Variants in DYNC2I2 observed in about 807,000 individuals in gnomAD.
The protein encoded by DYNC2I2 is cytoplasmic dynein 2 intermediate chain 2.
Under a neutral mutation model 52.0 loss-of-function variants are expected in DYNC2I2, and 39 were observed. That is an observed-to-expected ratio of 0.75 (90% CI 0.58 to 0.98). DYNC2I2 has a LOEUF of 0.98. Among genes scored for constraint, DYNC2I2 ranks in the 50% least tolerant of loss-of-function variants. The pLI, the probability that DYNC2I2 is intolerant of heterozygous loss-of-function variation, is 0.00. For missense variants in DYNC2I2, 743 were observed against 728.4 expected, an observed-to-expected ratio of 1.02 and a Z score of -0.23; for synonymous variants, 359 against 321.1, an observed-to-expected ratio of 1.12 and a Z score of -1.26.
At chr9:128,668,754 A>T in the DYNC2I2 span, among the ~76,000 whole-genome samples, 1 of 151,546 alleles carries the variant, frequency 6.6e-6, no homozygotes, top group Non-Finnish European at 1.5e-5. Flanking sequence ...CAGGAGGTAG[A>T]AGTTGCAGTG....
chr9:128,650,961 C>T lies in DYNC2I2; in HGVS notation c.186+5580G>A, dbSNP rs893838509. On this transcript the variant is annotated intron_variant, in intron 1 of 8. Transcript: ENST00000372715. ...CCAGGCTAGGAGCACAACCGGCACC[C>T]AGAATCTGTCGCCGCTGCTTGAACA... 3.4e-5 allele frequency: 2 copies of T among 58,498 alleles called. 1 individual carries two copies. The highest frequency in any genetic ancestry group is 6.8e-5 in the African/African-American group (2 of 29,470). The allele number at this position is 58,498 out of a possible 1,614,324, so 3.6% of individuals were successfully genotyped here.
the DYNC2I2 span, among the ~76,000 whole-genome samples, chr9:128,665,695 G>A: frequency 2.7e-5 from 4 of 150,364 alleles, no homozygotes; most frequent in Admixed American, 6.7e-5. Context: ...GCTTGAACTC[G>A]GGAGGCAGAG....
At chr9:128,635,302 C>T (rs778971009) in intron 5 of DYNC2I2, 43 bp from the exon 6 acceptor site, 8 of 1,598,772 alleles carry the variant, frequency 5.0e-6, no homozygotes, top group South Asian at 1.1e-5. Flanking sequence ...ACAAGGGACA[C>T]CTGCCCAGGT....
the DYNC2I2 span, among the ~76,000 whole-genome samples, chr9:128,680,775 A>G: frequency 6.6e-6 from 1 of 150,406 alleles, no homozygotes; most frequent in Non-Finnish European, 1.5e-5. Context: ...TCTGGGTTCA[A>G]GTAATTCTCC....
Position 128,634,684 on chromosome 9 carries a change from C to T in DYNC2I2, c.1214+5G>A, listed in dbSNP as rs746024280. The T allele has an allele frequency of 6.1e-5, 94 of 1,544,790 alleles. No homozygotes were observed. The highest frequency in any genetic ancestry group is 5.0e-4 in the South Asian group (41 of 81,796). ...CCCACTGTGCCCCAGGCCTGCCCTA[C>T]GTACCTGTGGAAGGGGGAACAGCTC... On this transcript the variant is annotated splice_donor_5th_base_variant and intron_variant, in intron 7 of 8. Transcript: ENST00000372715.
chr9:128,680,165 A>AT, the DYNC2I2 span, among the ~76,000 whole-genome samples: 1 of 151,300 alleles, frequency 6.6e-6, no homozygotes, highest in Non-Finnish European at 1.5e-5. Context: ...GGTTCAAGCG[A>AT]TTTTTGTGCC....
At chr9:128,655,806 G>A (rs1367219286) in intron 1 of DYNC2I2, among the ~76,000 whole-genome samples, 1 of 150,978 alleles carries the variant, frequency 6.6e-6, no homozygotes, top group Non-Finnish European at 1.5e-5. Context: ...AGCTACTGGG[G>A]AGGCTGGGGC....
the DYNC2I2 span, among the ~76,000 whole-genome samples, chr9:128,675,609 G>A: frequency 3.3e-5 from 5 of 152,316 alleles, no homozygotes; most frequent in Admixed American, 2.6e-4. Flanking sequence ...TCCAGCTGAT[G>A]CTCAATAAAT....
intron 4 of DYNC2I2, 70 bp from the exon 5 acceptor site, chr9:128,635,837 C>T: frequency 7.0e-7 from 1 of 1,424,118 alleles, no homozygotes; most frequent in South Asian, 1.2e-5. Context: ...CAAACACCCG[C>T]CCCAGCCCAC....
the DYNC2I2 span, among the ~76,000 whole-genome samples, chr9:128,678,673 G>A: frequency 1.3e-5 from 2 of 151,570 alleles, no homozygotes; most frequent in East Asian, 2.0e-4. Flanking sequence ...TGTGGGCCAG[G>A]CTGGCCTTGA....
the DYNC2I2 span, among the ~76,000 whole-genome samples, chr9:128,669,523 C>T: frequency 1.6e-4 from 24 of 152,288 alleles, no homozygotes; most frequent in African/African-American, 5.8e-4. Flanking sequence ...CATGGAGAAA[C>T]CCTGTCTCTA....
At chr9:128,661,594 G>A (rs1860919316), upstream of DYNC2I2, among the ~76,000 whole-genome samples, 1 of 152,096 alleles carries the variant, frequency 6.6e-6, no homozygotes, top group African/African-American at 2.4e-5. Context: ...CTCCAGCCTG[G>A]GCAATAAGAG....
At chr9:128,638,233 A>AG (rs1169595388) in intron 2 of DYNC2I2, among the ~76,000 whole-genome samples, 4 of 151,022 alleles carry the variant, frequency 2.6e-5, no homozygotes, top group African/African-American at 9.7e-5. Context: ...AAAAAAAAAA[A>AG]AAAGGCCAGG....
chr9:128,642,574 T>G (rs1860537036), intron 1 of DYNC2I2, among the ~76,000 whole-genome samples: 1 of 150,474 alleles, frequency 6.6e-6, no homozygotes, highest in Non-Finnish European at 1.5e-5. Flanking sequence ...ATCGAGACCA[T>G]CCTGGCTAAT....
At chr9:128,634,080 G>T in intron 8 of DYNC2I2, 98 bp from the exon 9 acceptor site, 1 of 1,552,268 alleles carries the variant, frequency 6.4e-7, no homozygotes, top group Non-Finnish European at 8.8e-7. Flanking sequence ...GTTGTGTGCA[G>T]CCACAGTGGC....
intron 1 of DYNC2I2, among the ~76,000 whole-genome samples, chr9:128,649,330 T>C (rs533338895): frequency 2.6e-5 from 4 of 152,122 alleles, no homozygotes; most frequent in African/African-American, 9.6e-5. Context: ...TGTAGTTCTT[T>C]CTACTCGGGA....
the DYNC2I2 span, among the ~76,000 whole-genome samples, chr9:128,673,619 C>A: frequency 4.6e-5 from 7 of 151,692 alleles, no homozygotes; most frequent in Non-Finnish European, 8.8e-5. Flanking sequence ...CATTCTCCTG[C>A]CTCAGCCTCC....
chr9:128,684,114 C>T, the DYNC2I2 span: 18 of 880,268 alleles, frequency 2.0e-5, no homozygotes, highest in Non-Finnish European at 3.1e-5. Flanking sequence ...TAAGCACCCC[C>T]AAAGGGTTTT....
chr9:128,644,289 G>A (rs1324435130), intron 1 of DYNC2I2, among the ~76,000 whole-genome samples: 1 of 44,860 alleles, frequency 2.2e-5, no homozygotes, highest in African/African-American at 8.4e-5. Flanking sequence ...TTTTTTTTTT[G>A]AGACAGGGTC....
Sources: allele counts gnomAD v4.1 joint callset (sites outside exome capture counted in the v4.1 genomes callset), GRCh38; gene constraint gnomAD v4.1.1; transcripts MANE v1.5; gene names NCBI Gene and HGNC (gene_info 2026-07-23, HGNC 2026-07-21).